TSEN2: variants seen among roughly 807,000 people sequenced by gnomAD.
TSEN2 encodes tRNA-splicing endonuclease subunit Sen2.
Under a neutral mutation model 59.2 loss-of-function variants are expected in TSEN2, and 54 were observed. That is an observed-to-expected ratio of 0.91 (90% CI 0.73 to 1.14). The LOEUF is 1.14. TSEN2 is among the 50% of genes most tolerant of loss of function. The pLI is 0.00. For missense variants in TSEN2, 636 were observed against 576.2 expected (o/e 1.10, Z -1.06); for synonymous variants, 195 against 198.2 (o/e 0.98, Z 0.14).
At chr3:12,536,222 A>G (rs1282921755), downstream of TSEN2, among the ~76,000 whole-genome samples, 1 of 152,204 alleles carries the variant, frequency 6.6e-6, no homozygotes, top group Non-Finnish European at 1.5e-5. Context: ...AGCACCTGCT[A>G]TACACAGGGA....
intron 5 of TSEN2, 152 bp downstream of exon 5, chr3:12,503,936 A>G (rs1325163237): frequency 8.4e-6 from 8 of 954,270 alleles, no homozygotes; most frequent in Non-Finnish European, 1.2e-5. Flanking sequence ...TGTGAGGGCC[A>G]TTTCAACTAA....
chr3:12,528,666 GC>G (rs573852160), intron 8 of TSEN2, among the ~76,000 whole-genome samples: 37 of 152,344 alleles, frequency 2.4e-4, no homozygotes, highest in Admixed American at 6.5e-4. Flanking sequence ...TCTGCAGTGA[GC>G]CATGGTCATG....
intron 8 of TSEN2, among the ~76,000 whole-genome samples, chr3:12,527,710 G>A (rs1322029454): frequency 6.6e-6 from 1 of 152,092 alleles, no homozygotes; most frequent in African/African-American, 2.4e-5. Flanking sequence ...AATCCAACAC[G>A]GCTGTCTCTG....
At chr3:12,510,966 C>T (rs997529942) in intron 6 of TSEN2, 3 of 151,988 alleles carry the variant, frequency 2.0e-5, no homozygotes, top group Admixed American at 2.0e-4. Context: ...GCATATATAC[C>T]CAGACACACA....
At position 12,497,744 on chromosome 3, in the gene TSEN2, G is replaced by T. The variant is rs534335477; in HGVS notation, c.308+1190G>T. ...CTCCCTGAAGAGCATCTCTTTAGGA[G>T]CACTACAGTATCCCAAGAAGTTTCA... is the stretch of plus-strand genomic sequence containing the variant. On this transcript the variant is annotated intron_variant, in intron 4 of 11. Transcript: ENST00000284995. 7.9e-5 allele frequency among the ~76,000 whole-genome samples: 12 copies of T among 152,344 alleles called. No homozygotes were observed. The East Asian group carries it at 1.7e-3, about 22-fold the overall frequency.
chr3:12,534,630 G>A (rs1033826631), downstream of TSEN2, among the ~76,000 whole-genome samples: 8 of 151,972 alleles, frequency 5.3e-5, no homozygotes, highest in South Asian at 2.1e-4. Flanking sequence ...GTGAAACCCC[G>A]TCTCTACTAA....
chr3:12,493,381 A>G (rs557632814), intron 3 of TSEN2, among the ~76,000 whole-genome samples: 1 of 152,354 alleles, frequency 6.6e-6, no homozygotes, highest in South Asian at 2.1e-4. Context: ...CATTCCCACC[A>G]GCAATGCACC....
chr3:12,534,919 C>A (rs575041663), downstream of TSEN2, among the ~76,000 whole-genome samples: 90 of 151,768 alleles, frequency 5.9e-4, no homozygotes, highest in African/African-American at 1.6e-3. Context: ...TGCAGAGAGC[C>A]GAGATCAAGC....
At chr3:12,487,032 A>G (rs1257118741) in intron 1 of TSEN2, among the ~76,000 whole-genome samples, 1 of 152,100 alleles carries the variant, frequency 6.6e-6, no homozygotes, top group Non-Finnish European at 1.5e-5. Context: ...ATATGTTTTC[A>G]TTTCTCTTAG....
At chr3:12,482,723 C>G (rs972302864), upstream of TSEN2, among the ~76,000 whole-genome samples, 26 of 152,150 alleles carry the variant, frequency 1.7e-4, no homozygotes, top group African/African-American at 5.6e-4. Flanking sequence ...CACAGTGCCA[C>G]TGGAACTGTT....
intron 6 of TSEN2, among the ~76,000 whole-genome samples, chr3:12,509,262 G>A (rs530242986): frequency 6.0e-5 from 9 of 151,202 alleles, no homozygotes; most frequent in Non-Finnish European, 1.3e-4. Context: ...GTGCAGTGGC[G>A]TGATCTCAGC....
At chr3:12,480,903 G>T (rs1299193715), upstream of TSEN2, among the ~76,000 whole-genome samples, 1 of 152,140 alleles carries the variant, frequency 6.6e-6, no homozygotes, top group African/African-American at 2.4e-5. Flanking sequence ...AAGCCCCGTA[G>T]ATCCGTATCC....
At chr3:12,502,981 G>T (rs2054453218) in intron 4 of TSEN2, among the ~76,000 whole-genome samples, 1 of 151,992 alleles carries the variant, frequency 6.6e-6, no homozygotes, top group East Asian at 1.9e-4. Flanking sequence ...TGAGGCACAA[G>T]AATTGCTTGA....
At position 12,531,657 on chromosome 3, in the gene TSEN2, C is replaced by A; in HGVS notation, c.1336C>A (p.Gln446Lys). The A allele has an allele frequency of 6.3e-7, 1 of 1,597,742 alleles. No individual in the cohort carries two copies. Among genetic ancestry groups the A allele is most frequent in the South Asian group, 1.1e-5 (1 of 90,724 alleles). ...AGAATGTATGAAAAGGATTAAAGTT[C>A]AGGTGGGTAAACTCAGAGAAATTCA... Reference protein sequence around the residue: ...SPECMKRIKVQEVILSRWVSS... With the variant: ...SPECMKRIKVKEVILSRWVSS... The change falls in exon 11 of 12, where the codon CAG becomes AAG. Residue 446 changes from glutamine (Q) to lysine (K), a missense_variant and splice_region_variant. By Grantham distance (53) the Gln-to-Lys change is moderately conservative. Transcript: ENST00000284995.
intron 8 of TSEN2, among the ~76,000 whole-genome samples, chr3:12,526,032 A>G (rs774219139): frequency 2.0e-5 from 3 of 151,084 alleles, no homozygotes; most frequent in Non-Finnish European, 4.4e-5. Context: ...GCACCCAGCC[A>G]GGTTAATTTA....
At chr3:12,490,814 C>G (rs540716599) in intron 2 of TSEN2, among the ~76,000 whole-genome samples, 13 of 152,288 alleles carry the variant, frequency 8.5e-5, no homozygotes, top group African/African-American at 3.1e-4. Flanking sequence ...ATAAATGTGC[C>G]TTCTCTAGAC....
chr3:12,494,825 A>G (rs950451929), intron 3 of TSEN2, among the ~76,000 whole-genome samples: 1 of 152,080 alleles, frequency 6.6e-6, no homozygotes, highest in Non-Finnish European at 1.5e-5. Context: ...AATGTATTAC[A>G]TAATTATAAA....
In TSEN2 at chr3:12,519,477, G is replaced by A. The variant is rs1471540725; in HGVS notation, c.1099+280G>A. Among the ~76,000 whole-genome samples, 6 of 152,334 alleles carry A rather than the reference G, an allele frequency of 3.9e-5. No homozygotes were observed. The South Asian group carries it at 1.2e-3, about 32-fold the overall frequency. On this transcript the variant is annotated intron_variant, in intron 8 of 11. Transcript: ENST00000284995. ...GAAAAGCGTTCTGGCTGAGCGCCGT[G>A]GCTTACGCATGTAATCCCAGCACTT...
At chr3:12,523,526 C>CTTTTTGTTTTTTTTTTTTTTTTTTT (rs2056822506) in intron 8 of TSEN2, among the ~76,000 whole-genome samples, 1 of 46,480 alleles carries the variant, frequency 2.2e-5, no homozygotes, top group Non-Finnish European at 4.3e-5. Flanking sequence ...CTCTTTGATT[C>CTTTTTGTTTTTTTTTTTTTTTTTTT]TTTTTTTTTT....
Sources: allele counts gnomAD v4.1 joint callset (sites outside exome capture counted in the v4.1 genomes callset), GRCh38; gene constraint gnomAD v4.1.1; transcripts MANE v1.5; gene names NCBI Gene and HGNC (gene_info 2026-07-23, HGNC 2026-07-21).